ARHGAP42: variants seen among roughly 807,000 people sequenced by gnomAD.
ARHGAP42 encodes the protein Rho GTPase activating protein 42.
In ARHGAP42, 63 loss-of-function variants were observed where a neutral mutation model predicts 125.0. That is an observed-to-expected ratio of 0.50 (90% CI 0.41 to 0.62). ARHGAP42 has a LOEUF of 0.62. Among genes scored for constraint, ARHGAP42 ranks in the 20% least tolerant of loss-of-function variants. The pLI, the probability that ARHGAP42 is intolerant of heterozygous loss-of-function variation, is 0.00. For missense variants in ARHGAP42, 766 were observed against 1,024.2 expected (o/e 0.75, Z 3.44); for synonymous variants, 339 against 351.0 (o/e 0.97, Z 0.38).
chr11:100,831,050 A>G (rs1864652538), intron 3 of ARHGAP42, among the ~76,000 whole-genome samples: 1 of 152,158 alleles, frequency 6.6e-6, no homozygotes, highest in Non-Finnish European at 1.5e-5. Flanking sequence ...TATTAGTTGA[A>G]ATTTTCTGTG....
chr11:100,943,949 G>T, intron 10 of ARHGAP42, 81 bp downstream of exon 10: 1 of 899,536 alleles, frequency 1.1e-6, no homozygotes. Flanking sequence ...ACATGAAACA[G>T]CATTCAAGTG....
intron 2 of ARHGAP42, among the ~76,000 whole-genome samples, chr11:100,779,535 T>TATATACGTATACATACGTATAC (rs1863232071): frequency 7.4e-6 from 1 of 134,504 alleles, no homozygotes; most frequent in African/African-American, 2.8e-5. Context: ...CATGCGTATA[T>TATATACGTATACATACGTATAC]ATACGTATAT....
intron 22 of ARHGAP42, chr11:100,985,968 C>T (rs1858668381): frequency 2.2e-6 from 1 of 450,626 alleles, no homozygotes. Context: ...AGGTATAGTG[C>T]TGGGACCCCA....
At chr11:100,796,573 G>C (rs1465498306) in intron 3 of ARHGAP42, among the ~76,000 whole-genome samples, 3 of 152,082 alleles carry the variant, frequency 2.0e-5, no homozygotes, top group African/African-American at 7.2e-5. Flanking sequence ...CAAATAGTTA[G>C]CAAAGTGGTG....
At chr11:100,775,198 GCACTAACTGCC>G (rs1262142121) in intron 2 of ARHGAP42, among the ~76,000 whole-genome samples, 5 of 152,256 alleles carry the variant, frequency 3.3e-5, no homozygotes, top group African/African-American at 1.2e-4. Context: ...TCCCACAGCT[GCACTAACTGCC>G]CACTTTTTAT....
chr11:100,702,631 A>G (rs1278648459), intron 1 of ARHGAP42, among the ~76,000 whole-genome samples: 2 of 149,424 alleles, frequency 1.3e-5, no homozygotes, highest in Non-Finnish European at 3.0e-5. Flanking sequence ...TAGTCTTTCA[A>G]TTTTAATAGA....
At chr11:100,778,921 C>T (rs1863199265) in intron 2 of ARHGAP42, among the ~76,000 whole-genome samples, 2 of 151,950 alleles carry the variant, frequency 1.3e-5, no homozygotes, top group Non-Finnish European at 2.9e-5. Flanking sequence ...AAAAAATAGC[C>T]CAGTCTTTTG....
At chr11:100,880,776 G>C (rs1242192863) in intron 4 of ARHGAP42, among the ~76,000 whole-genome samples, 1 of 152,012 alleles carries the variant, frequency 6.6e-6, no homozygotes, top group Non-Finnish European at 1.5e-5. Flanking sequence ...TTGATTTTTT[G>C]ATTGTGTCCA....
intron 6 of ARHGAP42, among the ~76,000 whole-genome samples, chr11:100,925,805 A>G (rs1480001757): frequency 6.6e-6 from 1 of 152,152 alleles, no homozygotes; most frequent in African/African-American, 2.4e-5. Flanking sequence ...TGTGGCTCAT[A>G]TTATGTGTCT....
At chr11:100,760,236 G>A (rs748203256) in intron 1 of ARHGAP42, among the ~76,000 whole-genome samples, 38 of 152,160 alleles carry the variant, frequency 2.5e-4, no homozygotes, top group African/African-American at 8.4e-4. Context: ...TGTTTCTGAC[G>A]TGCACAATGA....
At chr11:100,751,288 T>TTTTGTTTTTTG (rs1862449919) in intron 1 of ARHGAP42, among the ~76,000 whole-genome samples, 3 of 139,076 alleles carry the variant, frequency 2.2e-5, no homozygotes, top group Non-Finnish European at 4.6e-5. Context: ...TGTTTTTTTT[T>TTTTGTTTTTTG]TTTTTTTTTT....
chr11:100,980,915 A>C (rs1453136930), intron 22 of ARHGAP42, among the ~76,000 whole-genome samples: 1 of 152,066 alleles, frequency 6.6e-6, no homozygotes, highest in African/African-American at 2.4e-5. Flanking sequence ...AATACTCTAA[A>C]TCAACTTTTA....
intron 8 of ARHGAP42, among the ~76,000 whole-genome samples, chr11:100,941,404 G>T (rs1867880950): frequency 6.6e-6 from 1 of 152,144 alleles, no homozygotes; most frequent in South Asian, 2.1e-4. Flanking sequence ...CTATATTTCT[G>T]ACAGTTATGA....
intron 2 of ARHGAP42, among the ~76,000 whole-genome samples, chr11:100,784,746 G>A (rs1301558388): frequency 2.0e-5 from 3 of 152,134 alleles, no homozygotes; most frequent in Non-Finnish European, 4.4e-5. Flanking sequence ...GTGCTGTGGG[G>A]TTATACCTAC....
intron 1 of ARHGAP42, among the ~76,000 whole-genome samples, chr11:100,726,080 TAAA>T (rs34713091): frequency 2.4e-5 from 3 of 125,468 alleles, no homozygotes; most frequent in Admixed American, 8.2e-5. Context: ...CTTGTCTCTC[TAAA>T]AAAAAAAAAA....
intron 3 of ARHGAP42, among the ~76,000 whole-genome samples, chr11:100,831,940 T>A (rs1864671906): frequency 6.6e-6 from 1 of 152,200 alleles, no homozygotes; most frequent in Non-Finnish European, 1.5e-5. Context: ...ATGGAGGAAT[T>A]CATTTTTTTC....
intron 3 of ARHGAP42, among the ~76,000 whole-genome samples, chr11:100,837,319 T>G (rs1464458113): frequency 1.3e-5 from 2 of 152,156 alleles, no homozygotes; most frequent in African/African-American, 4.8e-5. Flanking sequence ...TTTCAAGTTT[T>G]GCTAATTGTC....
chr11:100,906,163 C>A, intron 4 of ARHGAP42, among the ~76,000 whole-genome samples: 1 of 152,224 alleles, frequency 6.6e-6, no homozygotes, highest in East Asian at 1.9e-4. Flanking sequence ...TTTTTCAGAT[C>A]TTTTGCCTAA....
At chr11:100,732,936 A>T (rs1442531950) in intron 1 of ARHGAP42, among the ~76,000 whole-genome samples, 1 of 152,228 alleles carries the variant, frequency 6.6e-6, no homozygotes, top group East Asian at 1.9e-4. Context: ...TAATAAGGAC[A>T]CATGTTAATT....
Sources: gnomAD v4.1 joint callset for allele counts (sites outside exome capture counted in the v4.1 genomes callset) on GRCh38, gnomAD v4.1.1 for gene constraint, MANE v1.5 for transcripts, NCBI Gene and HGNC (gene_info 2026-07-23, HGNC 2026-07-21) for gene names.